MIIP: variants seen among roughly 807,000 people sequenced by gnomAD.
The protein encoded by MIIP is migration and invasion-inhibitory protein.
A neutral mutation model predicts 44.8 loss-of-function variants in MIIP; 44 were observed. The ratio of observed to expected loss-of-function variants is 0.98; its 90% CI spans 0.77 to 1.26. The LOEUF (loss-of-function observed/expected upper bound fraction) is 1.26. Among genes scored for constraint, MIIP ranks in the 50% most tolerant of loss-of-function variants. The pLI, the probability that MIIP is intolerant of heterozygous loss-of-function variation, is 0.00. For missense variants in MIIP, 496 were observed against 511.7 expected (o/e 0.97, Z 0.30); for synonymous variants, 225 against 218.3 (o/e 1.03, Z -0.27).
At chr1:12,030,382 T>G (rs1640213644) in intron 8 of MIIP, among the ~76,000 whole-genome samples, 1 of 151,920 alleles carries the variant, frequency 6.6e-6, no homozygotes, top group South Asian at 2.1e-4. Flanking sequence ...TATTGCGCTT[T>G]TGTGTACTGC....
chr1:12,031,234 G>T, intron 8 of MIIP, 32 bp from the exon 9 acceptor site: 1 of 1,602,536 alleles, frequency 6.2e-7, no homozygotes, highest in Admixed American at 1.7e-5. Flanking sequence ...CTTGTCCCAG[G>T]TCAGGCACTT....
rs1397180725 is a variant in MIIP at position 12,022,175 on chromosome 1, C to T, written c.195C>T (p.Ser65=). ...PETSSTSLST[S]CPRGRSSVWG... Reference sequence around the variant, plus strand: ...CGTCCTCAACTTCCTTGAGCACCTCCTGCCCACGGGGCCGGTCCTCCGTGT... The same window carrying T: ...CGTCCTCAACTTCCTTGAGCACCTCTTGCCCACGGGGCCGGTCCTCCGTGT... The change falls in exon 3 of 10, where the codon TCC becomes TCT. Residue 65 remains serine, a synonymous_variant. Coordinates refer to ENST00000235332, the MANE Select transcript of MIIP (RefSeq NM_021933.4). The T allele has an allele frequency of 6.2e-7, 1 of 1,613,870 alleles. No homozygotes were observed. Among genetic ancestry groups the T allele is most frequent in the East Asian group, 2.2e-5 (1 of 44,892 alleles).
At chr1:12,022,740 G>T (rs1353376410) in intron 3 of MIIP, 93 bp from the exon 4 acceptor site, 3 of 1,027,740 alleles carry the variant, frequency 2.9e-6, no homozygotes, top group Non-Finnish European at 4.4e-6. Flanking sequence ...CAGGGTGTAA[G>T]TTAAGACACA....
chr1:12,030,281 T>C (rs1479074386), intron 8 of MIIP, among the ~76,000 whole-genome samples, 157 bp downstream of exon 8: 2 of 152,148 alleles, frequency 1.3e-5, no homozygotes, highest in Admixed American at 6.5e-5. Context: ...CCCACACCTG[T>C]ACCTAAGGGA....
Position 12,022,391 on chromosome 1 carries a change from G to A in MIIP, c.411G>A (p.Gln137=), listed in dbSNP as rs760219551. Residue 137 remains glutamine (Q), a synonymous_variant, in exon 3 of 10, where the codon CAG becomes CAA. Coordinates refer to ENST00000235332, the MANE Select transcript of MIIP (RefSeq NM_021933.4). ...GGAGGCTGGGTGATCCAGGACCCCA[G>A]GAGGCACAGACCCCGAGGTCCATCC... ...PSGRLGDPGP[Q]EAQTPRSILA... 2.2e-5 allele frequency: 35 copies of A among 1,608,034 alleles called. No homozygotes were observed. The highest frequency in any genetic ancestry group is 2.8e-5 in the Non-Finnish European group (33 of 1,177,906).
Position 12,021,708 on chromosome 1 carries a change from C to A in MIIP, c.-19C>A, listed in dbSNP as rs1198852493. On this transcript the variant is annotated 5_prime_UTR_variant, in exon 2 of 10. It adds an upstream start codon to the 5' untranslated region. Coordinates refer to ENST00000235332, the MANE Select transcript of MIIP (RefSeq NM_021933.4). Reference sequence around the variant, plus strand: ...CCTGCGGCCCAGGGGCAAGTGACACCTGCTGAGAGAGGCCCAGGATGGTGG... The same window carrying A: ...CCTGCGGCCCAGGGGCAAGTGACACATGCTGAGAGAGGCCCAGGATGGTGG... 1 of 1,609,388 alleles carries A rather than the reference C, an allele frequency of 6.2e-7. No individual in the cohort carries two copies. Among genetic ancestry groups the A allele is most frequent in the Admixed American group, 1.7e-5 (1 of 59,878 alleles).
At chr1:12,023,056 C>CCA in intron 4 of MIIP, 139 bp downstream of exon 4, 7 of 559,442 alleles carry the variant, frequency 1.3e-5, no homozygotes, top group East Asian at 6.1e-5. Context: ...TGGGGAGCAC[C>CCA]CTCTTTTTTT....
intron 8 of MIIP, among the ~76,000 whole-genome samples, chr1:12,030,774 CA>C (rs139223223): frequency 6.9e-4 from 94 of 135,586 alleles, no homozygotes; most frequent in East Asian, 8.7e-4. Flanking sequence ...GACTCCATCT[CA>C]AAAAAAAAAA....
intron 4 of MIIP, among the ~76,000 whole-genome samples, chr1:12,026,252 C>T (rs1640103406): frequency 6.6e-6 from 1 of 152,104 alleles, no homozygotes; most frequent in Non-Finnish European, 1.5e-5. Flanking sequence ...CTGCAGTGAG[C>T]AGAGATCAAG....
chr1:12,031,591 C>T (rs1640243908), intron 9 of MIIP, 131 bp from the exon 10 acceptor site: 3 of 1,607,432 alleles, frequency 1.9e-6, no homozygotes, highest in South Asian at 1.1e-5. Flanking sequence ...CTCCTCTGCT[C>T]CCTGCCGCCT....
intron 2 of MIIP, 89 bp from the exon 3 acceptor site, chr1:12,022,006 G>T (rs1639986711): frequency 1.3e-5 from 19 of 1,442,040 alleles, no homozygotes; most frequent in Non-Finnish European, 1.8e-5. Flanking sequence ...GGCCGGAGCA[G>T]GATGAGGATG....
intron 4 of MIIP, among the ~76,000 whole-genome samples, chr1:12,023,746 A>G (rs999909158): frequency 6.7e-5 from 10 of 149,046 alleles, no homozygotes; most frequent in African/African-American, 2.5e-4. Flanking sequence ...CTGTAATCCC[A>G]GCACTTTGGG....
chr1:12,023,740 A>G (rs577698558), intron 4 of MIIP, among the ~76,000 whole-genome samples: 1 of 150,768 alleles, frequency 6.6e-6, no homozygotes, highest in Admixed American at 6.6e-5. Flanking sequence ...TCACACCTGT[A>G]ATCCCAGCAC....
chr1:12,021,690 C>T lies in MIIP; in HGVS notation c.-37C>T, dbSNP rs755515670. ...ACCCAGCCCTGAGGACATCCTGCGG[C>T]CCAGGGGCAAGTGACACCTGCTGAG... On this transcript the variant is annotated 5_prime_UTR_variant, in exon 2 of 10. Transcript: ENST00000235332. The T allele has an allele frequency of 6.2e-5, 99 of 1,589,156 alleles. No individual in the cohort carries two copies. Among genetic ancestry groups the T allele is most frequent in the Non-Finnish European group, 8.2e-5 (95 of 1,161,970 alleles).
intron 1 of MIIP, among the ~76,000 whole-genome samples, chr1:12,020,603 G>A (rs1272662115): frequency 1.3e-5 from 2 of 152,208 alleles, no homozygotes; most frequent in Non-Finnish European, 2.9e-5. Context: ...CGCCTCCCAG[G>A]TTCAAGCGAT....
intron 8 of MIIP, among the ~76,000 whole-genome samples, chr1:12,030,690 G>A (rs914408346): frequency 3.4e-5 from 5 of 149,100 alleles, no homozygotes; most frequent in South Asian, 2.1e-4. Flanking sequence ...TGGGAGGATC[G>A]CTTGAACCTG....
At chr1:12,024,094 A>G (rs978587449) in intron 4 of MIIP, 5 of 152,128 alleles carry the variant, frequency 3.3e-5, no homozygotes, top group African/African-American at 1.2e-4. Context: ...TGAGTATACA[A>G]TTGCGATAAC....
At chr1:12,027,452 T>G (rs1221300154) in intron 4 of MIIP, among the ~76,000 whole-genome samples, 3 of 152,174 alleles carry the variant, frequency 2.0e-5, no homozygotes, top group Non-Finnish European at 4.4e-5. Context: ...GGGGACACAG[T>G]GGTCACTCCT....
chr1:12,029,929 C>G (rs1557554401), intron 7 of MIIP, 35 bp downstream of exon 7: 1 of 1,610,774 alleles, frequency 6.2e-7, no homozygotes, highest in Admixed American at 1.7e-5. Flanking sequence ...CCTTGGGGGA[C>G]AGAGCCTGAA....
Sources: allele counts gnomAD v4.1 joint callset (sites outside exome capture counted in the v4.1 genomes callset), GRCh38; gene constraint gnomAD v4.1.1; transcripts MANE v1.5; gene names NCBI Gene and HGNC (gene_info 2026-07-23, HGNC 2026-07-21).